The following TNS1 variants were observed in gnomAD, a reference collection of about 807,000 sequenced individuals.
The protein encoded by TNS1 is tensin-1.
A neutral mutation model predicts 168.6 loss-of-function variants in TNS1; 62 were observed. That is an observed-to-expected ratio of 0.37 (90% CI 0.30 to 0.45). The LOEUF is 0.45. Ranked by LOEUF, TNS1 falls within the 20% of genes least tolerant of loss-of-function variation. The pLI is 1.00. For missense variants in TNS1, 2,240 were observed against 2,339.4 expected, an observed-to-expected ratio of 0.96 and a Z score of 0.88; for synonymous variants, 934 against 933.2, an observed-to-expected ratio of 1.00 and a Z score of -0.02.
chr2:217,858,029 C>T lies in TNS1; in HGVS notation c.1430-8942G>A, dbSNP rs899569722. 3.9e-5 allele frequency among the ~76,000 whole-genome samples: 6 copies of T among 152,266 alleles called. No homozygotes were observed. In the South Asian group the frequency reaches 1.0e-3, roughly 26 times the overall value. ...CCGTGAATGGGAGCCCACAGGAGGC[C>T]GGTGGGGAATGGTGAGCACTGGAGG... On this transcript the variant is annotated intron_variant, in intron 18 of 32. Transcript: ENST00000682258.
Position 217,886,116 on chromosome 2 carries a change from G to C in TNS1, c.980-12C>G. 2 of 1,613,946 alleles carry C rather than the reference G, an allele frequency of 1.2e-6. No individual in the cohort carries two copies. The highest frequency in any genetic ancestry group is 2.2e-5 in the East Asian group (1 of 44,870). ...AAATGGCCGACATCCTGTAAAAGTG[G>C]GGTGGGTGTTAGCTAAGACAGCAGA... On this transcript the variant is annotated splice_polypyrimidine_tract_variant and intron_variant, in intron 13 of 32. Coordinates refer to ENST00000682258, the MANE Select transcript of TNS1 (RefSeq NM_001387777.1).
At position 217,954,943 on chromosome 2, in the gene TNS1, A is replaced by T. The variant is rs141438213; in HGVS notation, c.186+23822T>A. Among the ~76,000 whole-genome samples, 603 of 152,294 alleles carry T rather than the reference A, an allele frequency of 4.0e-3. 2 individuals are homozygous for T. The highest frequency in any genetic ancestry group is 6.9e-3 in the Non-Finnish European group (466 of 68,018). ...CACATGCACAGAAGGGTCCTCAGAC[A>T]CACAAAAGATCCATGCACACACTTC... On this transcript the variant is annotated intron_variant, in intron 3 of 32. Transcript: ENST00000682258.
intron 3 of TNS1, among the ~76,000 whole-genome samples, chr2:217,977,321 A>C (rs888803021): frequency 7.9e-5 from 12 of 152,320 alleles, no homozygotes; most frequent in African/African-American, 2.2e-4. Context: ...GGAAAGGAGA[A>C]GACAAGGGAA....
intron 12 of TNS1, 142 bp downstream of exon 12, chr2:217,890,820 T>A: frequency 1.2e-6 from 1 of 820,050 alleles, no homozygotes; most frequent in South Asian, 1.6e-5. Context: ...CTCACACCAC[T>A]GCAGGCTGGC....
intron 2 of TNS1, among the ~76,000 whole-genome samples, chr2:217,981,283 C>G (rs1958041764): frequency 6.6e-6 from 1 of 152,212 alleles, no homozygotes; most frequent in African/African-American, 2.4e-5. Context: ...GGCAGATCAG[C>G]CCTGTGCCAA....
chr2:217,954,132 T>A (rs978280233), intron 3 of TNS1, among the ~76,000 whole-genome samples: 4 of 152,084 alleles, frequency 2.6e-5, no homozygotes, highest in Non-Finnish European at 4.4e-5. Context: ...CCTGGCGAGG[T>A]GCTGCCTCCC....
At chr2:217,842,056 C>A (rs1157391834) in intron 19 of TNS1, 1 of 702,958 alleles carries the variant, frequency 1.4e-6, no homozygotes, top group Non-Finnish European at 2.6e-6. Flanking sequence ...TGTTACCTTT[C>A]CTCTCCTTCA....
chr2:217,804,205 T>G lies in TNS1; in HGVS notation c.*254A>C. ...CCTGGTTAGTTTTGGAGGCTTTGGG[T>G]TTTTGCAGTTTCCATCTACCCAGGG... On this transcript the variant is annotated 3_prime_UTR_variant, in exon 33 of 33. Coordinates refer to ENST00000682258, the MANE Select transcript of TNS1 (RefSeq NM_001387777.1). 8.9e-6 allele frequency: 4 copies of G among 447,820 alleles called. No individual in the cohort carries two copies. 27.7% of individuals were successfully genotyped at this position (447,820 alleles called of 1,614,324 possible). A position where few individuals can be genotyped will look rare whatever the true frequency, so the allele number is the denominator to read the frequency against.
chr2:217,892,502 C>A (rs1951842117), intron 11 of TNS1, among the ~76,000 whole-genome samples: 1 of 152,214 alleles, frequency 6.6e-6, no homozygotes, highest in Non-Finnish European at 1.5e-5. Flanking sequence ...GTTCTTTATT[C>A]TTGTTCCAAA....
chr2:217,901,211 G>T lies in TNS1; in HGVS notation c.322-699C>A, dbSNP rs533656837. On this transcript the variant is annotated intron_variant, in intron 6 of 32. Coordinates refer to ENST00000682258, the MANE Select transcript of TNS1 (RefSeq NM_001387777.1). Reference sequence around the variant, plus strand: ...GGCATGGCGGGTGTGAAAGCACAGGGTCAGAGGCCCACAGACCACAGAGTT... The same window carrying T: ...GGCATGGCGGGTGTGAAAGCACAGGTTCAGAGGCCCACAGACCACAGAGTT... Among the ~76,000 whole-genome samples the T allele has an allele frequency of 6.6e-5, 10 of 152,290 alleles. No homozygotes were observed. The South Asian group carries it at 2.1e-3, about 32-fold the overall frequency.
chr2:218,018,738 C>T (rs1958782889), intron 1 of TNS1, among the ~76,000 whole-genome samples: 1 of 152,184 alleles, frequency 6.6e-6, no homozygotes, highest in African/African-American at 2.4e-5. Flanking sequence ...GGGACAGACA[C>T]ATTTTCTTTG....
chr2:217,818,414 G>C lies in TNS1; in HGVS notation c.3918C>G (p.Pro1306=). The C allele has an allele frequency of 6.2e-7, 1 of 1,614,162 alleles. No homozygotes were observed. The highest frequency in any genetic ancestry group is 8.5e-7 in the Non-Finnish European group (1 of 1,180,010). ...TGGGACTGCTGGGGGCAGCCATGCT[G>C]GGATTGATGGCCCGCCAGCCGAAGC... The part of the protein sequence containing the change: ...SPGFGWRAIN[P]SMAAPSSPSL... Residue 1306 remains proline, a synonymous_variant, in exon 24 of 33, where the codon CCC becomes CCG. Transcript: ENST00000682258.
chr2:217,991,177 G>A, intron 1 of TNS1, 121 bp from the exon 2 acceptor site: 1 of 458,440 alleles, frequency 2.2e-6, no homozygotes, highest in Non-Finnish European at 4.0e-6. Flanking sequence ...AGCCCCTCAG[G>A]GTCCAGAGGA....
At chr2:217,809,620 GATGGGTGCATGGATGGGTGC>G in intron 30 of TNS1, 183 bp downstream of exon 30, 1 of 533,518 alleles carries the variant, frequency 1.9e-6, no homozygotes, top group Admixed American at 3.2e-5. Flanking sequence ...TGGGTGCATG[GATGGGTGCATGGATGGGTGC>G]ATGGATGGAT....
chr2:218,027,242 T>C (rs1408612832), intron 1 of TNS1, among the ~76,000 whole-genome samples: 1 of 151,880 alleles, frequency 6.6e-6, no homozygotes. Flanking sequence ...CATCGGTCCC[T>C]CTCTGGGGGG....
intron 3 of TNS1, among the ~76,000 whole-genome samples, chr2:217,922,775 G>C (rs1955793860): frequency 6.6e-6 from 1 of 152,142 alleles, no homozygotes; most frequent in South Asian, 2.1e-4. Context: ...CCCTGCGGGG[G>C]AGCTGTCAAG....
chr2:218,006,122 G>A (rs4465751), upstream of TNS1, among the ~76,000 whole-genome samples: 622 of 152,268 alleles, frequency 4.1e-3, 2 homozygotes, highest in Non-Finnish European at 7.5e-3. Flanking sequence ...ACCTCCCTCC[G>A]CTCATCCCTC....
At chr2:217,883,749 T>C (rs1267370398) in intron 16 of TNS1, among the ~76,000 whole-genome samples, 2 of 152,228 alleles carry the variant, frequency 1.3e-5, no homozygotes, top group African/African-American at 2.4e-5. Flanking sequence ...GTAATTATGA[T>C]GGCATCTTCT....
upstream of TNS1, among the ~76,000 whole-genome samples, chr2:218,004,178 GAC>G (rs368491525): frequency 1.3e-5 from 2 of 151,964 alleles, no homozygotes; most frequent in African/African-American, 2.4e-5. Flanking sequence ...CCCTCCTGTG[GAC>G]ACACACACAC....
Sources: gnomAD v4.1 joint callset for allele counts (sites outside exome capture counted in the v4.1 genomes callset) on GRCh38, gnomAD v4.1.1 for gene constraint, MANE v1.5 for transcripts, NCBI Gene and HGNC (gene_info 2026-07-23, HGNC 2026-07-21) for gene names.